The following CFAP251 variants were observed in gnomAD, a reference collection of about 807,000 sequenced individuals.
The protein encoded by CFAP251 is cilia- and flagella-associated protein 251.
A neutral mutation model predicts 126.7 loss-of-function variants in CFAP251; 93 were observed. That is an observed-to-expected ratio of 0.73 (90% CI 0.62 to 0.87). The LOEUF (loss-of-function observed/expected upper bound fraction) is 0.87, where lower values mean the gene tolerates loss of function less well. Ranked by LOEUF, CFAP251 falls within the 40% of genes least tolerant of loss-of-function variation. The probability of loss-of-function intolerance (pLI) is 0.00; values close to 1 mark genes in which losing one functional copy is unlikely to be tolerated. For synonymous variants in CFAP251, 503 were observed against 506.9 expected (o/e 0.99, Z 0.10); for missense variants, 1,287 against 1,389.2 (o/e 0.93, Z 1.17).
chr12:121,981,085 T>C (rs769348473), intron 19 of CFAP251, among the ~76,000 whole-genome samples: 1 of 152,244 alleles, frequency 6.6e-6, no homozygotes, highest in Admixed American at 6.5e-5. Flanking sequence ...CATGTTCCTC[T>C]TAAGAGGCGA....
chr12:121,975,477 G>A, intron 18 of CFAP251, 65 bp from the exon 19 acceptor site: 1 of 1,593,856 alleles, frequency 6.3e-7, no homozygotes, highest in Non-Finnish European at 8.6e-7. Context: ...TGTCCTTGAA[G>A]TGTTCATGGA....
chr12:121,961,319 G>A lies in CFAP251; in HGVS notation c.2307+561G>A, dbSNP rs542029739. On this transcript the variant is annotated intron_variant, in intron 14 of 21. Coordinates refer to ENST00000288912, the MANE Select transcript of CFAP251 (RefSeq NM_144668.6). Reference sequence around the variant, plus strand: ...CCCTTTCTTCTTCCCTCCCTCCCCCGCCCCTCCCTTCTTTCTCTCCCCTTC... The same window carrying A: ...CCCTTTCTTCTTCCCTCCCTCCCCCACCCCTCCCTTCTTTCTCTCCCCTTC... 2.3e-3 allele frequency among the ~76,000 whole-genome samples: 34 copies of A among 15,082 alleles called. No individual in the cohort carries two copies. In the South Asian group the frequency reaches 0.036, roughly 16 times the overall value. 9.9% of individuals were successfully genotyped at this position (15,082 alleles called of 152,430 possible). A position where few individuals can be genotyped will look rare whatever the true frequency, so the allele number is the denominator to read the frequency against.
chr12:121,938,051 C>T (rs1168464691), intron 5 of CFAP251, among the ~76,000 whole-genome samples: 1 of 152,116 alleles, frequency 6.6e-6, no homozygotes, highest in Non-Finnish European at 1.5e-5. Flanking sequence ...ATCACCCAGG[C>T]GGGAGTGCAG....
intron 10 of CFAP251, chr12:121,955,706 A>G (rs1461990497): frequency 2.0e-5 from 3 of 152,210 alleles, no homozygotes; most frequent in Admixed American, 1.3e-4. Context: ...CAGGGGAACA[A>G]TGAGGTCTTG....
At chr12:121,972,749 A>G (rs1882367899) in intron 17 of CFAP251, among the ~76,000 whole-genome samples, 1 of 152,120 alleles carries the variant, frequency 6.6e-6, no homozygotes, top group Non-Finnish European at 1.5e-5. Context: ...CGGCCTCCCA[A>G]AGTGCTGGGA....
intron 15 of CFAP251, 47 bp from the exon 16 acceptor site, chr12:121,966,908 G>C (rs746743923): frequency 6.4e-7 from 1 of 1,572,888 alleles, no homozygotes; most frequent in South Asian, 1.1e-5. Context: ...TAAAACCTAT[G>C]TTGAGATTTG....
At chr12:121,943,392 AGAGT>A (rs1293051401) in intron 7 of CFAP251, among the ~76,000 whole-genome samples, 1 of 152,104 alleles carries the variant, frequency 6.6e-6, no homozygotes, top group Non-Finnish European at 1.5e-5. Flanking sequence ...ATGTTGCAGT[AGAGT>A]GTTTTTGTTT....
intron 17 of CFAP251, chr12:121,969,057 T>A: frequency 1.0e-6 from 1 of 985,272 alleles, no homozygotes; most frequent in African/African-American, 1.7e-5. Context: ...GTGGCTCGGC[T>A]GGGCCTCTCT....
At chr12:121,959,495 A>G (rs1282871629) in intron 13 of CFAP251, 2 of 161,666 alleles carry the variant, frequency 1.2e-5, no homozygotes, top group African/African-American at 2.4e-5. Flanking sequence ...TGGTGCGGCC[A>G]CTCCTCCGGT....
At chr12:121,970,152 T>C (rs1315402834) in intron 17 of CFAP251, among the ~76,000 whole-genome samples, 1 of 152,180 alleles carries the variant, frequency 6.6e-6, no homozygotes, top group Non-Finnish European at 1.5e-5. Flanking sequence ...CCCCAACTGC[T>C]ACCATCACAG....
intron 1 of CFAP251, among the ~76,000 whole-genome samples, chr12:121,920,557 C>T (rs1592956775): frequency 2.0e-5 from 3 of 152,136 alleles, no homozygotes; most frequent in Admixed American, 1.3e-4. Context: ...CCGCCAAGCC[C>T]GGCTAATTTT....
In CFAP251 at chr12:121,919,145, T is replaced by TA. The variant is rs78789550; in HGVS notation, c.-21+450_-21+451insA. ...ATTTATTTATTATTATTATTATTATTTTTTTTTTACCAGAGATGAATTTGA... is the reference window on the plus strand; with the variant it reads ...ATTTATTTATTATTATTATTATTATTATTTTTTTTACCAGAGATGAATTTGA... On this transcript the variant is annotated intron_variant, in intron 1 of 21. Coordinates refer to ENST00000288912, the MANE Select transcript of CFAP251 (RefSeq NM_144668.6). Among the ~76,000 whole-genome samples the TA allele has an allele frequency of 5.1e-3, 701 of 138,248 alleles. 7 individuals carry two copies. The highest frequency in any genetic ancestry group is 0.044 in the East Asian group (209 of 4,796). 90.7% of individuals were successfully genotyped at this position (138,248 alleles called of 152,430 possible).
intron 19 of CFAP251, chr12:121,998,481 AT>A (rs1883075187): frequency 1.5e-5 from 1 of 68,472 alleles, no homozygotes; most frequent in African/African-American, 5.6e-5. Flanking sequence ...ATATATATAT[AT>A]ATATATGATT....
intron 10 of CFAP251, among the ~76,000 whole-genome samples, chr12:121,955,055 C>A (rs954469237): frequency 3.3e-5 from 5 of 152,274 alleles, no homozygotes; most frequent in Non-Finnish European, 7.4e-5. Context: ...GTAATCCCAG[C>A]ATTTTGGGAG....
chr12:121,940,456 C>T (rs1335207060), intron 5 of CFAP251, among the ~76,000 whole-genome samples: 1 of 152,132 alleles, frequency 6.6e-6, no homozygotes, highest in Admixed American at 6.6e-5. Context: ...GACTTGATAC[C>T]AGCCAGTTGG....
chr12:121,968,597 G>C (rs552176720), intron 17 of CFAP251, among the ~76,000 whole-genome samples: 1 of 152,280 alleles, frequency 6.6e-6, no homozygotes, highest in South Asian at 2.1e-4. Context: ...GAGAATTCTA[G>C]AGTTGAACAT....
chr12:121,937,697 C>T (rs1035054144), intron 5 of CFAP251, among the ~76,000 whole-genome samples: 5 of 152,142 alleles, frequency 3.3e-5, no homozygotes, highest in South Asian at 2.1e-4. Flanking sequence ...GAAGAAGTTA[C>T]GTTGAATGTT....
intron 19 of CFAP251, chr12:121,992,140 C>A (rs1217469451): frequency 2.2e-6 from 2 of 927,776 alleles, no homozygotes; most frequent in Non-Finnish European, 2.6e-6. Flanking sequence ...TGCGTCTGGG[C>A]CGCTCAGCTA....
Position 121,975,573 on chromosome 12 carries a change from T to C in CFAP251, c.2894T>C (p.Leu965Pro), listed in dbSNP as rs1882436812. 6.2e-7 allele frequency: 1 copy of C among 1,607,252 alleles called. No individual in the cohort carries two copies. The highest frequency in any genetic ancestry group is 8.5e-7 in the Non-Finnish European group (1 of 1,178,342). Reference protein sequence around the residue: ...ELEDYFYYSQLRSQGIDTMET... With the variant: ...ELEDYFYYSQPRSQGIDTMET... The stretch of plus-strand genomic sequence containing the variant: ...GAAGACTACTTCTACTATTCTCAGC[T>C]CCGCAGTCAAGGCATCGACACAATG... The change falls in exon 19 of 22, where the codon CTC becomes CCC. Residue 965 changes from leucine (L) to proline (P), a missense_variant. Leu to Pro is a moderately conservative substitution (Grantham distance 98). Coordinates refer to ENST00000288912, the MANE Select transcript of CFAP251 (RefSeq NM_144668.6).
Sources: gnomAD v4.1 joint callset for allele counts (sites outside exome capture counted in the v4.1 genomes callset) on GRCh38, gnomAD v4.1.1 for gene constraint, MANE v1.5 for transcripts, NCBI Gene and HGNC (gene_info 2026-07-23, HGNC 2026-07-21) for gene names.